PTPRE: variants seen among roughly 807,000 people sequenced by gnomAD.
PTPRE encodes protein tyrosine phosphatase receptor type E.
A neutral mutation model predicts 102.0 loss-of-function variants in PTPRE; 51 were observed. That is an observed-to-expected ratio of 0.50 (90% CI 0.40 to 0.63). The LOEUF (loss-of-function observed/expected upper bound fraction) is 0.63. PTPRE is among the 30% of genes least tolerant of loss of function. PTPRE has a pLI of 0.00. For missense variants in PTPRE, 752 were observed against 915.1 expected, an observed-to-expected ratio of 0.82 and a Z score of 2.30; for synonymous variants, 345 against 348.2, an observed-to-expected ratio of 0.99 and a Z score of 0.10.
At chr10:128,052,557 C>A (rs375326205) in intron 6 of PTPRE, among the ~76,000 whole-genome samples, 1 of 152,106 alleles carries the variant, frequency 6.6e-6, no homozygotes, top group Non-Finnish European at 1.5e-5. Flanking sequence ...TGAATCCTTA[C>A]GAGACCGCAC....
At chr10:128,020,140 T>A (rs545440588) in intron 2 of PTPRE, among the ~76,000 whole-genome samples, 38 of 152,340 alleles carry the variant, frequency 2.5e-4, no homozygotes, top group Non-Finnish European at 4.6e-4. Flanking sequence ...AGAGTAATTG[T>A]GCTCAAAGCA....
intron 1 of PTPRE, among the ~76,000 whole-genome samples, chr10:127,968,842 G>A (rs1363382413): frequency 6.6e-6 from 1 of 152,220 alleles, no homozygotes; most frequent in African/African-American, 2.4e-5. Context: ...CTGGAGATAA[G>A]AAGTGATTGT....
At chr10:127,938,911 T>C (rs1305672769) in intron 1 of PTPRE, among the ~76,000 whole-genome samples, 1 of 152,162 alleles carries the variant, frequency 6.6e-6, no homozygotes, top group Non-Finnish European at 1.5e-5. Flanking sequence ...GGAATCAGTT[T>C]GGATGTGTGT....
chr10:128,053,630 G>T (rs555439094), intron 6 of PTPRE, among the ~76,000 whole-genome samples: 89 of 152,370 alleles, frequency 5.8e-4, no homozygotes, highest in African/African-American at 2.1e-3. Context: ...CATCTGGGTG[G>T]CTACGCCCCA....
intron 3 of PTPRE, 51 bp downstream of exon 3, chr10:128,041,041 C>T (rs1489848007): frequency 5.3e-6 from 8 of 1,501,620 alleles, no homozygotes; most frequent in Non-Finnish European, 7.4e-6. Flanking sequence ...TCCTAAGCTC[C>T]TGGGACCATT....
At chr10:128,041,107 A>C (rs1416933558) in intron 3 of PTPRE, 117 bp downstream of exon 3, 2 of 861,966 alleles carry the variant, frequency 2.3e-6, no homozygotes, top group Non-Finnish European at 3.7e-6. Flanking sequence ...TGAATTTCTT[A>C]GTGTGCTTTT....
At position 128,085,027 on chromosome 10, in the gene PTPRE, G is replaced by T. The variant is rs4750684; in HGVS notation, c.*2121G>T. 47,344 of 448,346 alleles carry T rather than the reference G, an allele frequency of 0.11. 2,724 individuals are homozygous for T. Among genetic ancestry groups the T allele is most frequent in the Admixed American group, 0.15 (6,288 of 41,100 alleles). The allele number at this position is 448,346 out of a possible 1,614,324, so 27.8% of individuals were successfully genotyped here. On this transcript the variant is annotated 3_prime_UTR_variant, in exon 21 of 21. Transcript: ENST00000254667. Reference sequence around the variant, plus strand: ...CTGTCCCCTTAGACCAACCCCAGGTGTCCACTGCAGGGGTTCTGCCTGTTC... The same window carrying T: ...CTGTCCCCTTAGACCAACCCCAGGTTTCCACTGCAGGGGTTCTGCCTGTTC...
intron 1 of PTPRE, among the ~76,000 whole-genome samples, chr10:127,927,428 G>A (rs1847112974): frequency 6.6e-6 from 1 of 152,152 alleles, no homozygotes; most frequent in Non-Finnish European, 1.5e-5. Context: ...CACTTAGCGG[G>A]GTTGAGTTTT....
At position 128,077,721 on chromosome 10, in the gene PTPRE, C is replaced by G; in HGVS notation, c.1830C>G (p.Leu610=). ...CCGAGGGCAAAGGCATGATTGACCT[C>G]ATCGCAGCCGTGCAGAAGCAGCAGC... ...IPAEGKGMID[L]IAAVQKQQQQ... is the part of the protein sequence containing the mutation. The change falls in exon 19 of 21, where the codon CTC becomes CTG. Residue 610 remains leucine, a synonymous_variant. Coordinates refer to ENST00000254667, the MANE Select transcript of PTPRE (RefSeq NM_006504.6). 1.2e-6 allele frequency: 2 copies of G among 1,613,352 alleles called. No homozygotes were observed. The highest frequency in any genetic ancestry group is 3.3e-4 in the Middle Eastern group (2 of 6,050).
chr10:128,060,884 C>T, intron 7 of PTPRE, 55 bp from the exon 8 acceptor site: 4 of 1,533,192 alleles, frequency 2.6e-6, no homozygotes, highest in Non-Finnish European at 3.6e-6. Context: ...CTGGAAGAGA[C>T]AGCACTGTGA....
At chr10:127,988,600 T>C (rs1852328551) in intron 2 of PTPRE, among the ~76,000 whole-genome samples, 1 of 152,096 alleles carries the variant, frequency 6.6e-6, no homozygotes, top group African/African-American at 2.4e-5. Flanking sequence ...CCACCCTACC[T>C]GGCCTGCGGT....
At chr10:128,079,360 G>GT (rs1027287694) in intron 19 of PTPRE, among the ~76,000 whole-genome samples, 200 bp from the exon 20 acceptor site, 1 of 152,138 alleles carries the variant, frequency 6.6e-6, no homozygotes, top group African/African-American at 2.4e-5. Flanking sequence ...TTAGGGAGGT[G>GT]TTTTAGGAAT....
At chr10:128,069,876 C>T (rs753089371) in intron 13 of PTPRE, 49 bp downstream of exon 13, 21 of 1,613,062 alleles carry the variant, frequency 1.3e-5, no homozygotes, top group East Asian at 1.1e-4. Flanking sequence ...AAAGCAAACC[C>T]GATGCCTTCG....
At chr10:127,929,234 G>A (rs559708117) in intron 1 of PTPRE, 5 of 152,262 alleles carry the variant, frequency 3.3e-5, no homozygotes, top group East Asian at 3.9e-4. Context: ...TCAGTCAACT[G>A]TAATGTTTCA....
chr10:128,078,649 C>T (rs1001894144), intron 19 of PTPRE, among the ~76,000 whole-genome samples: 9 of 152,216 alleles, frequency 5.9e-5, no homozygotes, highest in Non-Finnish European at 5.9e-5. Flanking sequence ...TGCCTGGACC[C>T]CACCGGGGTG....
At chr10:127,918,554 A>G (rs1226293983) in intron 1 of PTPRE, among the ~76,000 whole-genome samples, 109 of 145,984 alleles carry the variant, frequency 7.5e-4, no homozygotes, top group African/African-American at 2.6e-3. Context: ...GCGAGACTCC[A>G]TCTCAAAAAA....
intron 2 of PTPRE, among the ~76,000 whole-genome samples, chr10:128,003,490 A>G (rs1482208852): frequency 6.6e-6 from 1 of 152,222 alleles, no homozygotes; most frequent in Admixed American, 6.5e-5. Flanking sequence ...CATCCTGGTG[A>G]TACTGTTTAA....
Position 128,035,701 on chromosome 10 carries a change from G to A in PTPRE, c.-7-5174G>A, listed in dbSNP as rs371060595. The stretch of plus-strand genomic sequence containing the variant: ...CTTGGAGCTGCAGGGGGCAGTGTGG[G>A]TCAGTCCACTGCTGGACATCCTGGG... On this transcript the variant is annotated intron_variant, in intron 2 of 20. Coordinates refer to ENST00000254667, the MANE Select transcript of PTPRE (RefSeq NM_006504.6). Among the ~76,000 whole-genome samples the A allele has an allele frequency of 2.6e-3, 397 of 152,326 alleles. 4 individuals are homozygous for A. The highest frequency in any genetic ancestry group is 9.0e-3 in the African/African-American group (373 of 41,570).
intron 1 of PTPRE, among the ~76,000 whole-genome samples, chr10:127,966,922 G>GA (rs1850298965): frequency 2.6e-5 from 4 of 151,972 alleles, no homozygotes; most frequent in Admixed American, 2.0e-4. Context: ...TAATTCTTTT[G>GA]AAAAAAATGA....
Sources: gnomAD v4.1 joint callset for allele counts (sites outside exome capture counted in the v4.1 genomes callset) on GRCh38, gnomAD v4.1.1 for gene constraint, MANE v1.5 for transcripts, NCBI Gene and HGNC (gene_info 2026-07-23, HGNC 2026-07-21) for gene names.